Variants in AOPEP observed in about 807,000 individuals in gnomAD.
AOPEP encodes the protein aminopeptidase O (putative).
A neutral mutation model predicts 98.1 loss-of-function variants in AOPEP; 77 were observed. That is an observed-to-expected ratio of 0.78 (90% CI 0.65 to 0.95). The LOEUF (loss-of-function observed/expected upper bound fraction) is 0.95. Among genes scored for constraint, AOPEP ranks in the 40% least tolerant of loss-of-function variants. The pLI is 0.00. For missense variants in AOPEP, 1,024 were observed against 1,024.7 expected (o/e 1.00, Z 0.01); for synonymous variants, 346 against 365.3 (o/e 0.95, Z 0.60).
chr9:95,005,155 C>A lies in AOPEP; in HGVS notation c.1978-3C>A, dbSNP rs906435387. The A allele has an allele frequency of 2.6e-6, 3 of 1,146,976 alleles. No homozygotes were observed. In the African/African-American group the frequency reaches 4.9e-5, roughly 19 times the overall value. 71.0% of individuals were successfully genotyped at this position (1,146,976 alleles called of 1,614,324 possible). A position where few individuals can be genotyped will look rare whatever the true frequency, so the allele number is the denominator to read the frequency against. On this transcript the variant is annotated splice_polypyrimidine_tract_variant and splice_region_variant and intron_variant, in intron 11 of 16. Coordinates refer to ENST00000375315, the MANE Select transcript of AOPEP (RefSeq NM_001193329.3). ...AACTTGACTGTGTCCTCTTCCCCCG[C>A]AGCCGCTGCAGAGGGAGCGTCGCGC...
Position 94,772,992 on chromosome 9 carries a change from T to C in AOPEP, c.798-10T>C. Reference sequence around the variant, plus strand: ...TTCACCCCCTTTCTTTCTTTGTCTCTCTTCTGCAGGCCATGTGTTTATACT... The same window carrying C: ...TTCACCCCCTTTCTTTCTTTGTCTCCCTTCTGCAGGCCATGTGTTTATACT... On this transcript the variant is annotated splice_polypyrimidine_tract_variant and intron_variant, in intron 2 of 16. Transcript: ENST00000375315. 6.3e-7 allele frequency: 1 copy of C among 1,576,550 alleles called. No homozygotes were observed. The highest frequency in any genetic ancestry group is 8.6e-7 in the Non-Finnish European group (1 of 1,156,956).
the AOPEP span, chr9:95,100,716 C>T: frequency 4.4e-6 from 1 of 227,836 alleles, no homozygotes; most frequent in East Asian, 6.3e-5. Flanking sequence ...CTACAACTCC[C>T]ACCTCCCGGG....
At chr9:94,928,376 C>T in intron 6 of AOPEP, 49 bp from the exon 7 acceptor site, 1 of 1,351,316 alleles carries the variant, frequency 7.4e-7, no homozygotes, top group Non-Finnish European at 1.0e-6. Context: ...AGGACCACAA[C>T]AGTGACTGTG....
At chr9:95,117,441 G>T in the AOPEP span, 1 of 1,511,790 alleles carries the variant, frequency 6.6e-7, no homozygotes, top group Non-Finnish European at 9.1e-7. Flanking sequence ...ATTGAAACGG[G>T]GTCAGGAAAA....
At chr9:95,007,774 A>T (rs2062149947) in intron 13 of AOPEP, among the ~76,000 whole-genome samples, 1 of 152,196 alleles carries the variant, frequency 6.6e-6, no homozygotes, top group Admixed American at 6.5e-5. Flanking sequence ...GAAGATTCAG[A>T]GCTTGCTGAG....
At chr9:95,008,955 A>G (rs760302537) in intron 13 of AOPEP, among the ~76,000 whole-genome samples, 5 of 152,152 alleles carry the variant, frequency 3.3e-5, no homozygotes, top group Non-Finnish European at 7.3e-5. Flanking sequence ...TCTGGTCCTC[A>G]GGTATTTTTT....
intron 5 of AOPEP, among the ~76,000 whole-genome samples, chr9:94,822,009 A>ACATG (rs1554726864): frequency 1.3e-5 from 2 of 149,770 alleles, no homozygotes; most frequent in Non-Finnish European, 3.0e-5. Flanking sequence ...ACACACACAC[A>ACATG]CACGCAGGCA....
intron 13 of AOPEP, among the ~76,000 whole-genome samples, chr9:95,025,492 C>T (rs1310797866): frequency 6.6e-6 from 1 of 152,054 alleles, no homozygotes; most frequent in Non-Finnish European, 1.5e-5. Context: ...CAGAGCTGAC[C>T]CCACTGAGCA....
chr9:95,118,290 G>A, the AOPEP span, among the ~76,000 whole-genome samples: 59 of 152,298 alleles, frequency 3.9e-4, no homozygotes, highest in African/African-American at 1.3e-3. Context: ...AAGTGCTGGG[G>A]TTATAGTCAT....
the AOPEP span, among the ~76,000 whole-genome samples, chr9:95,097,839 A>G: frequency 6.6e-6 from 1 of 152,200 alleles, no homozygotes; most frequent in Admixed American, 6.5e-5. Context: ...AGGAGGCTTG[A>G]AGACATGTTA....
intron 13 of AOPEP, among the ~76,000 whole-genome samples, chr9:95,027,233 G>C (rs2063915051): frequency 6.6e-6 from 1 of 152,144 alleles, no homozygotes; most frequent in Admixed American, 6.5e-5. Flanking sequence ...CTATACCCCA[G>C]TGTGGGTGAC....
chr9:95,024,595 AG>A (rs1200408516), intron 13 of AOPEP, among the ~76,000 whole-genome samples: 1 of 152,184 alleles, frequency 6.6e-6, no homozygotes, highest in Non-Finnish European at 1.5e-5. Context: ...TCTGAGCCTG[AG>A]CGTGTGGCCC....
intron 5 of AOPEP, among the ~76,000 whole-genome samples, chr9:94,854,477 T>G (rs1250395472): frequency 6.6e-6 from 1 of 152,334 alleles, no homozygotes; most frequent in Non-Finnish European, 1.5e-5. Flanking sequence ...AGAAATCCTG[T>G]TATAGGTATG....
chr9:94,848,537 G>T (rs980674005), intron 5 of AOPEP, among the ~76,000 whole-genome samples: 5 of 151,032 alleles, frequency 3.3e-5, no homozygotes, highest in African/African-American at 7.3e-5. Context: ...CAGGAGAATC[G>T]CTTGAACCCG....
intron 10 of AOPEP, among the ~76,000 whole-genome samples, chr9:94,971,794 G>A (rs1044758561): frequency 1.3e-5 from 2 of 152,190 alleles, no homozygotes; most frequent in African/African-American, 4.8e-5. Flanking sequence ...GCCCTAGGAG[G>A]CTCCTAGCCG....
chr9:94,899,260 C>T (rs2050056897), intron 5 of AOPEP, among the ~76,000 whole-genome samples: 1 of 137,198 alleles, frequency 7.3e-6, no homozygotes, highest in Admixed American at 7.6e-5. Flanking sequence ...TCTCGGCTCA[C>T]TGCAAGCTCC....
chr9:94,770,951 C>G (rs1840729827), intron 2 of AOPEP, among the ~76,000 whole-genome samples: 2 of 152,182 alleles, frequency 1.3e-5, no homozygotes, highest in African/African-American at 4.8e-5. Flanking sequence ...CAGAAGTCTT[C>G]CTTTCCTTCT....
intron 5 of AOPEP, among the ~76,000 whole-genome samples, chr9:94,891,052 C>T (rs2048821759): frequency 6.6e-6 from 1 of 152,234 alleles, no homozygotes; most frequent in Admixed American, 6.5e-5. Context: ...AAATAACCAA[C>T]TACAATTGTA....
At chr9:95,083,525 C>T (rs575903935) in intron 16 of AOPEP, among the ~76,000 whole-genome samples, 1 of 151,072 alleles carries the variant, frequency 6.6e-6, no homozygotes, top group East Asian at 2.0e-4. Context: ...ACCCACAGCA[C>T]ACACACCACG....
Sources: allele counts gnomAD v4.1 joint callset (sites outside exome capture counted in the v4.1 genomes callset), GRCh38; gene constraint gnomAD v4.1.1; transcripts MANE v1.5; gene names NCBI Gene and HGNC (gene_info 2026-07-23, HGNC 2026-07-21).